EEA1: variants seen among roughly 807,000 people sequenced by gnomAD.
The protein encoded by EEA1 is early endosome antigen 1, 162kD.
EEA1 carries 111 observed loss-of-function variants against 209.2 expected under a neutral mutation model. The ratio of observed to expected loss-of-function variants is 0.53; its 90% confidence interval spans 0.45 to 0.62. EEA1 has a LOEUF of 0.62. Among genes scored for constraint, EEA1 ranks in the 20% least tolerant of loss-of-function variants. The pLI is 0.00. For synonymous variants in EEA1, 536 were observed against 540.6 expected (o/e 0.99, Z 0.12); for missense variants, 1,343 against 1,530.8 (o/e 0.88, Z 2.05).
chr12:92,811,369 A>G lies in EEA1; in HGVS notation c.2109T>C (p.His703=), dbSNP rs1401314944. The change falls in exon 17 of 29, where the codon CAT becomes CAC. Residue 703 remains histidine (H), a synonymous_variant. Coordinates refer to ENST00000322349, the MANE Select transcript of EEA1 (RefSeq NM_003566.4). ...VTAKLQDKQE[H]CSQLESHLKE... Reference sequence around the variant, plus strand: ...TAAGATGACTTTCCAGCTGACTGCAATGTTCTTGCTTGTCTTGTAACTTTG... The same window carrying G: ...TAAGATGACTTTCCAGCTGACTGCAGTGTTCTTGCTTGTCTTGTAACTTTG... 6.2e-7 allele frequency: 1 copy of G among 1,606,874 alleles called. No individual in the cohort carries two copies. Among genetic ancestry groups the G allele is most frequent in the African/African-American group, 1.3e-5 (1 of 74,616 alleles).
At chr12:92,790,287 C>T (rs934013147) in intron 21 of EEA1, among the ~76,000 whole-genome samples, 3 of 152,196 alleles carry the variant, frequency 2.0e-5, no homozygotes, top group African/African-American at 7.2e-5. Flanking sequence ...ATAACTTTGA[C>T]GAGTTGACAG....
At chr12:92,883,651 A>C in intron 2 of EEA1, 1 of 578,174 alleles carries the variant, frequency 1.7e-6, no homozygotes, top group South Asian at 2.7e-5. Flanking sequence ...TCTTAATAAT[A>C]TTTTCTTTTC....
At chr12:92,917,120 G>C (rs1293001315) in intron 1 of EEA1, among the ~76,000 whole-genome samples, 1 of 142,808 alleles carries the variant, frequency 7.0e-6, no homozygotes, top group African/African-American at 2.7e-5. Flanking sequence ...ACATCTGATT[G>C]GTGTACCTGA....
chr12:92,809,503 T>G lies in EEA1; in HGVS notation c.2200-347A>C, dbSNP rs530011414. On this transcript the variant is annotated intron_variant, in intron 17 of 28. Transcript: ENST00000322349. ...AAGTTCGAGACCAGCCTGGCCAACA[T>G]GGTGAAACCTTATCTCTACTAAAAA... Among the ~76,000 whole-genome samples the G allele has an allele frequency of 2.1e-3, 289 of 135,316 alleles. 3 individuals are homozygous for G. The highest frequency in any genetic ancestry group is 7.9e-3 in the African/African-American group (280 of 35,492). 88.8% of individuals were successfully genotyped at this position (135,316 alleles called of 152,430 possible).
intron 10 of EEA1, among the ~76,000 whole-genome samples, chr12:92,838,340 A>G (rs913215333): frequency 2.6e-5 from 4 of 152,196 alleles, no homozygotes; most frequent in Non-Finnish European, 4.4e-5. Flanking sequence ...GAAACACATA[A>G]TAACACTGAT....
At chr12:92,927,523 A>G (rs1481818155) in intron 1 of EEA1, among the ~76,000 whole-genome samples, 1 of 152,234 alleles carries the variant, frequency 6.6e-6, no homozygotes, top group East Asian at 1.9e-4. Flanking sequence ...AAAGCATCCC[A>G]TATTTCTGAA....
intron 14 of EEA1, 133 bp downstream of exon 14, chr12:92,819,175 T>C: frequency 1.3e-6 from 1 of 754,728 alleles, no homozygotes; most frequent in Middle Eastern, 4.1e-4. Context: ...TGAGATGCTA[T>C]TTGGCAAAAA....
At chr12:92,795,410 A>G (rs1874615683) in intron 21 of EEA1, among the ~76,000 whole-genome samples, 1 of 152,194 alleles carries the variant, frequency 6.6e-6, no homozygotes, top group Admixed American at 6.5e-5. Flanking sequence ...AACAGGTCCC[A>G]TGTCTGTTTT....
intron 1 of EEA1, among the ~76,000 whole-genome samples, chr12:92,925,500 C>A (rs937470861): frequency 6.6e-6 from 1 of 152,296 alleles, no homozygotes; most frequent in Non-Finnish European, 1.5e-5. Context: ...CAGGCATGAG[C>A]CACTAAGCCA....
At chr12:92,818,164 C>T (rs1175569569) in intron 14 of EEA1, among the ~76,000 whole-genome samples, 3 of 152,166 alleles carry the variant, frequency 2.0e-5, no homozygotes, top group Non-Finnish European at 2.9e-5. Context: ...CCTACAAATT[C>T]GATCTGCCTT....
At chr12:92,789,135 C>T (rs1239504279) in intron 21 of EEA1, among the ~76,000 whole-genome samples, 2 of 151,716 alleles carry the variant, frequency 1.3e-5, no homozygotes, top group Non-Finnish European at 2.9e-5. Context: ...ACTAAAAATA[C>T]AAAAATTAGC....
At chr12:92,854,756 G>A (rs1168087691) in intron 5 of EEA1, among the ~76,000 whole-genome samples, 1 of 152,118 alleles carries the variant, frequency 6.6e-6, no homozygotes, top group East Asian at 1.9e-4. Flanking sequence ...GATCTCCACT[G>A]TTTTGGATGC....
intron 2 of EEA1, among the ~76,000 whole-genome samples, chr12:92,891,006 T>C (rs1014779166): frequency 1.3e-5 from 2 of 152,176 alleles, no homozygotes; most frequent in Admixed American, 6.6e-5. Flanking sequence ...AGCATCTTCA[T>C]CTCTTCGTGG....
chr12:92,887,045 AAG>A (rs770676948), intron 2 of EEA1, among the ~76,000 whole-genome samples: 80 of 152,248 alleles, frequency 5.3e-4, no homozygotes, highest in African/African-American at 1.5e-3. Flanking sequence ...GAAAAAAAGA[AAG>A]AACTTCTAGG....
chr12:92,801,634 TTC>T lies in EEA1; in HGVS notation c.2736_2737del (p.Lys913GlyfsTer7). 2 of 1,597,488 alleles carry T rather than the reference TTC, an allele frequency of 1.3e-6. No homozygotes were observed. The highest frequency in any genetic ancestry group is 1.7e-6 in the Non-Finnish European group (2 of 1,174,574). ...TTTTTCAAGTGACTTTTTCAGTTCC[TTC>T]TGTTCCTTAAGTGTGTTTTCCATCT... is the stretch of plus-strand genomic sequence containing the variant. On this transcript the variant is annotated frameshift_variant, in exon 20 of 29. Coordinates refer to ENST00000322349, the MANE Select transcript of EEA1 (RefSeq NM_003566.4). LOFTEE classifies it high-confidence loss of function.
rs376091582 is a variant in EEA1 at position 92,896,940 on chromosome 12, C to T, written c.25-5219G>A. Among the ~76,000 whole-genome samples, 27 of 151,930 alleles carry T rather than the reference C, an allele frequency of 1.8e-4. No homozygotes were observed. In the East Asian group the frequency reaches 2.9e-3, roughly 16 times the overall value. ...TTGTAATCCTAGTGCTTTGGGAGGC[C>T]AAAGAAGGAGGATCGCTTGAGGCTA... On this transcript the variant is annotated intron_variant, in intron 1 of 28. Coordinates refer to ENST00000322349, the MANE Select transcript of EEA1 (RefSeq NM_003566.4).
At chr12:92,804,376 A>G (rs749903958) in intron 18 of EEA1, among the ~76,000 whole-genome samples, 1 of 151,970 alleles carries the variant, frequency 6.6e-6, no homozygotes, top group Non-Finnish European at 1.5e-5. Flanking sequence ...ATCGAGACCA[A>G]CCTGGCTAAC....
intron 5 of EEA1, among the ~76,000 whole-genome samples, chr12:92,856,001 G>A (rs1877862404): frequency 6.6e-6 from 1 of 152,114 alleles, no homozygotes; most frequent in Admixed American, 6.5e-5. Context: ...TAGAAAAGCT[G>A]AGTAGTAATA....
intron 9 of EEA1, among the ~76,000 whole-genome samples, chr12:92,846,470 A>G (rs1433493857): frequency 6.6e-6 from 1 of 152,210 alleles, no homozygotes. Context: ...TACTTATTCC[A>G]TATCTACATG....
Sources: gnomAD v4.1 joint callset for allele counts (sites outside exome capture counted in the v4.1 genomes callset) on GRCh38, gnomAD v4.1.1 for gene constraint, MANE v1.5 for transcripts, NCBI Gene and HGNC (gene_info 2026-07-23, HGNC 2026-07-21) for gene names.